The following PRELID2 variants were observed in gnomAD, a reference collection of about 807,000 sequenced individuals.
The protein encoded by PRELID2 is PRELI domain-containing protein 2.
PRELID2 carries 25 observed loss-of-function variants against 28.4 expected under a neutral mutation model. That is an observed-to-expected ratio of 0.88 (90% CI 0.64 to 1.23). The LOEUF (loss-of-function observed/expected upper bound fraction) is 1.23. Among genes scored for constraint, PRELID2 ranks in the 50% most tolerant of loss-of-function variants. PRELID2 has a pLI of 0.00. For missense variants in PRELID2, 201 were observed against 214.4 expected, an observed-to-expected ratio of 0.94 and a Z score of 0.39; for synonymous variants, 76 against 71.6, an observed-to-expected ratio of 1.06 and a Z score of -0.31.
At chr5:145,577,206 A>G (rs185559487) in intron 1 of PRELID2, among the ~76,000 whole-genome samples, 8 of 152,278 alleles carry the variant, frequency 5.3e-5, no homozygotes, top group Admixed American at 1.3e-4. Context: ...AAAGCAATCA[A>G]AGAAACATGA....
At chr5:145,439,948 A>G in the PRELID2 span, among the ~76,000 whole-genome samples, 10 of 152,054 alleles carry the variant, frequency 6.6e-5, no homozygotes, top group African/African-American at 2.4e-4. Flanking sequence ...TCTGAACTCC[A>G]TGGACTCCAC....
chr5:145,624,915 T>C (rs1030714255), intron 1 of PRELID2, among the ~76,000 whole-genome samples: 2 of 151,916 alleles, frequency 1.3e-5, no homozygotes, highest in African/African-American at 4.8e-5. Flanking sequence ...AATGGAAAAA[T>C]TGTCAAAATA....
the PRELID2 span, among the ~76,000 whole-genome samples, chr5:145,309,973 C>T: frequency 6.6e-6 from 1 of 152,180 alleles, no homozygotes. Context: ...CTTCTCTTAA[C>T]CCCAATGCCA....
chr5:145,454,483 T>A, the PRELID2 span, among the ~76,000 whole-genome samples: 28 of 152,266 alleles, frequency 1.8e-4, no homozygotes, highest in South Asian at 2.7e-3. Flanking sequence ...AAAGAGGAAG[T>A]CAAATTGTAC....
chr5:145,817,916 C>G lies in PRELID2; in HGVS notation c.346G>C (p.Glu116Gln). The G allele has an allele frequency of 6.4e-7, 1 of 1,556,336 alleles. No individual in the cohort carries two copies. The highest frequency in any genetic ancestry group is 8.7e-7 in the Non-Finnish European group (1 of 1,154,196). ...ASMKEESVFRESMENPNWTEF... is the reference protein window; with the variant it reads ...ASMKEESVFRQSMENPNWTEF... ...TACCAATTTGGGTTTTCCATACTTT[C>G]CCGGAAGACAGACTCTTCCTTCATG... Residue 116 changes from glutamate (E) to glutamine (Q), a missense_variant, in exon 4 of 7, where the codon GAA becomes CAA. Coordinates refer to ENST00000683046, the MANE Select transcript of PRELID2 (RefSeq NM_205846.3).
chr5:145,331,743 T>G, the PRELID2 span, among the ~76,000 whole-genome samples: 4 of 152,200 alleles, frequency 2.6e-5, no homozygotes, highest in African/African-American at 9.7e-5. Context: ...TCTGTGTCTT[T>G]CAATTGGGGC....
At chr5:145,466,265 T>C in the PRELID2 span, among the ~76,000 whole-genome samples, 2 of 152,110 alleles carry the variant, frequency 1.3e-5, no homozygotes, top group East Asian at 1.9e-4. Flanking sequence ...AACATAAGCA[T>C]ACCAATTTGG....
At chr5:145,438,364 C>T in the PRELID2 span, among the ~76,000 whole-genome samples, 1 of 152,178 alleles carries the variant, frequency 6.6e-6, no homozygotes, top group African/African-American at 2.4e-5. Flanking sequence ...TCCCCAAAGC[C>T]TAGTTATAAA....
intron 1 of PRELID2, among the ~76,000 whole-genome samples, chr5:145,587,736 T>C (rs72811540): frequency 6.6e-6 from 1 of 152,302 alleles, no homozygotes; most frequent in Non-Finnish European, 1.5e-5. Flanking sequence ...TCCTCCTTAT[T>C]CAGCTGCAAC....
the PRELID2 span, among the ~76,000 whole-genome samples, chr5:145,374,027 G>A: frequency 3.3e-5 from 5 of 149,542 alleles, no homozygotes; most frequent in African/African-American, 1.2e-4. Flanking sequence ...CTGTCACCAT[G>A]ATACCATCTG....
intron 4 of PRELID2, among the ~76,000 whole-genome samples, chr5:145,816,242 C>G (rs900320303): frequency 6.6e-6 from 1 of 151,608 alleles, no homozygotes; most frequent in East Asian, 1.9e-4. Context: ...ACCACCACAC[C>G]CGGCTAATTG....
downstream of PRELID2, among the ~76,000 whole-genome samples, chr5:145,751,621 G>A (rs1397401155): frequency 6.6e-6 from 1 of 152,124 alleles, no homozygotes; most frequent in African/African-American, 2.4e-5. Context: ...CTACAAAGTT[G>A]CTTGCCTGTT....
At chr5:145,378,563 T>A in the PRELID2 span, among the ~76,000 whole-genome samples, 1 of 152,188 alleles carries the variant, frequency 6.6e-6, no homozygotes, top group Non-Finnish European at 1.5e-5. Flanking sequence ...TTCTTTTCTT[T>A]GCTTGGTCTG....
intron 4 of PRELID2, among the ~76,000 whole-genome samples, chr5:145,806,888 G>A (rs1753552557): frequency 6.6e-6 from 1 of 152,030 alleles, no homozygotes; most frequent in Admixed American, 6.6e-5. Context: ...AGTTTCCTGA[G>A]GCCTCCCCAG....
intron 3 of PRELID2, 143 bp from the exon 4 acceptor site, chr5:145,818,197 G>T: frequency 4.9e-6 from 4 of 822,748 alleles, no homozygotes; most frequent in Non-Finnish European, 7.5e-6. Flanking sequence ...GTGGCTGTAC[G>T]TTTTTGATAA....
intron 1 of PRELID2, among the ~76,000 whole-genome samples, chr5:145,735,558 AAAAG>A (rs1003614452): frequency 8.5e-5 from 13 of 152,224 alleles, no homozygotes; most frequent in African/African-American, 2.9e-4. Context: ...GAAAAAAAGA[AAAAG>A]AAAGAAGTAT....
the PRELID2 span, among the ~76,000 whole-genome samples, chr5:145,250,201 A>G: frequency 6.6e-6 from 1 of 152,162 alleles, no homozygotes; most frequent in Non-Finnish European, 1.5e-5. Context: ...TCTCAAATAC[A>G]CACAGACAAC....
chr5:145,697,674 A>T (rs1755310758), intron 1 of PRELID2, among the ~76,000 whole-genome samples: 1 of 152,108 alleles, frequency 6.6e-6, no homozygotes, highest in Non-Finnish European at 1.5e-5. Context: ...TCATCATCTT[A>T]TCTGAGAAAC....
At chr5:145,767,352 G>T (rs936199130) in intron 5 of PRELID2, among the ~76,000 whole-genome samples, 2 of 152,030 alleles carry the variant, frequency 1.3e-5, no homozygotes, top group Admixed American at 6.5e-5. Flanking sequence ...CCATCCCGCT[G>T]AGAGCCACTT....
Sources: gnomAD v4.1 joint callset for allele counts (sites outside exome capture counted in the v4.1 genomes callset) on GRCh38, gnomAD v4.1.1 for gene constraint, MANE v1.5 for transcripts, NCBI Gene and HGNC (gene_info 2026-07-23, HGNC 2026-07-21) for gene names.